BCKDHB: variants seen among roughly 807,000 people sequenced by gnomAD.
BCKDHB encodes the protein branched chain keto acid dehydrogenase E1 subunit beta.
BCKDHB carries 41 observed loss-of-function variants against 48.5 expected under a neutral mutation model. The ratio of observed to expected loss-of-function variants is 0.85; its 90% confidence interval spans 0.66 to 1.10. The LOEUF is 1.10. BCKDHB is among the 50% of genes least tolerant of loss of function. The pLI, the probability that BCKDHB is intolerant of heterozygous loss-of-function variation, is 0.00. For synonymous variants in BCKDHB, 201 were observed against 174.8 expected (o/e 1.15, Z -1.18); for missense variants, 496 against 494.2 (o/e 1.00, Z -0.03).
chr6:80,215,923 G>A (rs1438181101), intron 8 of BCKDHB, among the ~76,000 whole-genome samples: 2 of 151,984 alleles, frequency 1.3e-5, no homozygotes, highest in Non-Finnish European at 2.9e-5. Context: ...TTGTATTTTA[G>A]TACAGACAGG....
At chr6:80,143,947 T>C (rs1251443741) in intron 3 of BCKDHB, among the ~76,000 whole-genome samples, 1 of 152,154 alleles carries the variant, frequency 6.6e-6, no homozygotes, top group Non-Finnish European at 1.5e-5. Flanking sequence ...ATCTTTTCTG[T>C]TTTCTGGTCT....
At position 80,136,627 on chromosome 6, in the gene BCKDHB, T is replaced by C. The variant is rs544060758; in HGVS notation, c.343+7398T>C. On this transcript the variant is annotated intron_variant, in intron 3 of 9. Transcript: ENST00000320393. Reference sequence around the variant, plus strand: ...TTGGACTGCATCGAAATTAAAAATATGTACTTTGAAGGACACTATTAACAG... The same window carrying C: ...TTGGACTGCATCGAAATTAAAAATACGTACTTTGAAGGACACTATTAACAG... Among the ~76,000 whole-genome samples the C allele has an allele frequency of 3.9e-5, 6 of 152,182 alleles. No individual in the cohort carries two copies. In the East Asian group the frequency reaches 5.8e-4, roughly 15 times the overall value.
chr6:80,152,868 A>G (rs1262625872), intron 3 of BCKDHB, among the ~76,000 whole-genome samples: 1 of 152,156 alleles, frequency 6.6e-6, no homozygotes, highest in Non-Finnish European at 1.5e-5. Flanking sequence ...CAAACAGCAC[A>G]CAGCATATAG....
At chr6:80,456,990 T>G in the BCKDHB span, among the ~76,000 whole-genome samples, 1 of 152,228 alleles carries the variant, frequency 6.6e-6, no homozygotes, top group Non-Finnish European at 1.5e-5. Context: ...AATAAACTGT[T>G]TTTTTAAATA....
chr6:80,320,823 A>C (rs1768679012), intron 9 of BCKDHB, among the ~76,000 whole-genome samples: 1 of 152,182 alleles, frequency 6.6e-6, no homozygotes, highest in Non-Finnish European at 1.5e-5. Context: ...TTCTTATGTC[A>C]CTTATACATG....
chr6:80,335,925 GT>G (rs1769569943), intron 9 of BCKDHB, among the ~76,000 whole-genome samples: 1 of 151,964 alleles, frequency 6.6e-6, no homozygotes, highest in African/African-American at 2.4e-5. Context: ...ATTGAAATGA[GT>G]TAATATTTTA....
intron 9 of BCKDHB, among the ~76,000 whole-genome samples, chr6:80,275,890 T>C (rs1316507886): frequency 2.0e-5 from 3 of 151,962 alleles, no homozygotes; most frequent in Non-Finnish European, 4.4e-5. Context: ...AAGTTTGAGG[T>C]ACAACTGCTT....
chr6:80,220,223 C>T (rs959846522), intron 8 of BCKDHB, among the ~76,000 whole-genome samples: 1 of 147,296 alleles, frequency 6.8e-6, no homozygotes, highest in Non-Finnish European at 1.5e-5. Flanking sequence ...TTTATTGTAT[C>T]ATTTAATTTT....
the BCKDHB span, among the ~76,000 whole-genome samples, chr6:80,413,490 C>T: frequency 2.0e-5 from 3 of 152,106 alleles, no homozygotes; most frequent in African/African-American, 7.2e-5. Flanking sequence ...GTGTTGTTCT[C>T]CTCTATGTGT....
intron 9 of BCKDHB, among the ~76,000 whole-genome samples, chr6:80,329,346 G>T (rs1769205890): frequency 1.1e-4 from 17 of 152,154 alleles, no homozygotes; most frequent in Admixed American, 1.1e-3. Flanking sequence ...ACTGTATTGT[G>T]TCTCACTTAG....
chr6:80,193,040 C>T (rs140826577), intron 6 of BCKDHB, among the ~76,000 whole-genome samples: 2 of 151,896 alleles, frequency 1.3e-5, no homozygotes, highest in Non-Finnish European at 2.9e-5. Flanking sequence ...AGGCTGGTCT[C>T]GAACTCCTGA....
At chr6:80,401,710 ACC>A in the BCKDHB span, among the ~76,000 whole-genome samples, 3 of 151,774 alleles carry the variant, frequency 2.0e-5, no homozygotes, top group African/African-American at 7.2e-5. Flanking sequence ...AAAATTTTGT[ACC>A]CTTTAACTGT....
chr6:80,354,629 G>A, the BCKDHB span, among the ~76,000 whole-genome samples: 1 of 152,134 alleles, frequency 6.6e-6, no homozygotes, highest in Admixed American at 6.5e-5. Flanking sequence ...TTCTTCTAGT[G>A]TTTTTATAGT....
intron 8 of BCKDHB, among the ~76,000 whole-genome samples, chr6:80,225,908 T>C (rs1257053380): frequency 6.6e-6 from 1 of 152,188 alleles, no homozygotes; most frequent in African/African-American, 2.4e-5. Flanking sequence ...TTACCAACCA[T>C]TCACCTGTTT....
intron 9 of BCKDHB, among the ~76,000 whole-genome samples, chr6:80,291,056 T>C (rs1202615105): frequency 6.6e-6 from 1 of 152,224 alleles, no homozygotes; most frequent in Admixed American, 6.5e-5. Flanking sequence ...CTTTATAATC[T>C]GTACCTTGTG....
chr6:80,374,379 T>C, the BCKDHB span: 4 of 815,764 alleles, frequency 4.9e-6, no homozygotes, highest in Non-Finnish European at 4.4e-6. Flanking sequence ...AACTCCACCA[T>C]TGTAACGTCG....
the BCKDHB span, chr6:80,373,911 G>C: frequency 2.4e-6 from 1 of 419,280 alleles, no homozygotes; most frequent in Non-Finnish European, 4.5e-6. Context: ...TGTGTCAGGT[G>C]AGTCTCTTGG....
At chr6:80,301,437 T>G (rs1315710862) in intron 9 of BCKDHB, among the ~76,000 whole-genome samples, 1 of 152,090 alleles carries the variant, frequency 6.6e-6, no homozygotes, top group Non-Finnish European at 1.5e-5. Context: ...CAGGAAATTG[T>G]CAAATCCCTG....
the BCKDHB span, among the ~76,000 whole-genome samples, chr6:80,360,772 G>A: frequency 6.6e-6 from 1 of 152,010 alleles, no homozygotes; most frequent in African/African-American, 2.4e-5. Flanking sequence ...TTGGGAGGCT[G>A]CGGTGGGCGA....
Sources: allele counts gnomAD v4.1 joint callset (sites outside exome capture counted in the v4.1 genomes callset), GRCh38; gene constraint gnomAD v4.1.1; transcripts MANE v1.5; gene names NCBI Gene and HGNC (gene_info 2026-07-23, HGNC 2026-07-21).